Variants in ZBTB46 observed in about 807,000 individuals in gnomAD.
The protein encoded by ZBTB46 is zinc finger and BTB domain containing 46.
ZBTB46 carries 8 observed loss-of-function variants against 44.1 expected under a neutral mutation model. The observed-to-expected ratio is 0.18, with a 90% CI of 0.11 to 0.33. The LOEUF (loss-of-function observed/expected upper bound fraction) is 0.33, where lower values mean the gene tolerates loss of function less well. Ranked by LOEUF, ZBTB46 falls within the 10% of genes least tolerant of loss-of-function variation. The pLI is 1.00. For missense variants in ZBTB46, 651 were observed against 847.7 expected, an observed-to-expected ratio of 0.77 and a Z score of 2.88; for synonymous variants, 409 against 382.3, an observed-to-expected ratio of 1.07 and a Z score of -0.81.
At chr20:63,809,980 G>GAA (rs2092708694) in intron 1 of ZBTB46, among the ~76,000 whole-genome samples, 1 of 150,570 alleles carries the variant, frequency 6.6e-6, no homozygotes, top group African/African-American at 2.4e-5. Context: ...AAAAAGAAAA[G>GAA]AAAACTCTAA....
rs976779537 is a variant in ZBTB46 at position 63,746,487 on chromosome 20, G to A, written c.*443C>T. ...CCTGGCTGCTAGGGGAGGGGAGGGC[G>A]GGCTCCAGCCGGGCTGACCGGGTGT... On this transcript the variant is annotated 3_prime_UTR_variant, in exon 5 of 5. Coordinates refer to ENST00000245663, the MANE Select transcript of ZBTB46 (RefSeq NM_001369741.1). The A allele has an allele frequency of 1.2e-5, 2 of 162,446 alleles. No homozygotes were observed. The highest frequency in any genetic ancestry group is 2.0e-4 in the South Asian group (1 of 4,986). 10.1% of individuals were successfully genotyped at this position (162,446 alleles called of 1,614,324 possible). A position where few individuals can be genotyped will look rare whatever the true frequency, so the allele number is the denominator to read the frequency against.
At chr20:63,772,755 A>ACC (rs2092387138) in intron 3 of ZBTB46, among the ~76,000 whole-genome samples, 1 of 59,144 alleles carries the variant, frequency 1.7e-5, no homozygotes, top group South Asian at 4.9e-4. Flanking sequence ...ACACACACAC[A>ACC]CACACACACA....
chr20:63,797,088 A>G (rs1329159808), intron 1 of ZBTB46, among the ~76,000 whole-genome samples: 9 of 152,060 alleles, frequency 5.9e-5, no homozygotes, highest in Admixed American at 5.9e-4. Flanking sequence ...CACATGTGCC[A>G]TGTTGGTGTG....
At position 63,761,245 on chromosome 20, in the gene ZBTB46, CA is replaced by C. The variant is rs1475556473; in HGVS notation, c.1223-8385del. On this transcript the variant is annotated intron_variant, in intron 3 of 4. Transcript: ENST00000245663. ...AACTCCTGACCTCAAGTGATTGACG[CA>C]CTTCAGCCTCCCAAAGTGCTGGGAT... Among the ~76,000 whole-genome samples the C allele has an allele frequency of 6.6e-4, 90 of 135,974 alleles. 2 individuals are homozygous for C. The highest frequency in any genetic ancestry group is 1.1e-3 in the Non-Finnish European group (65 of 58,404). The allele number at this position is 135,974 out of a possible 152,430, so 89.2% of individuals were successfully genotyped here.
upstream of ZBTB46, among the ~76,000 whole-genome samples, chr20:63,831,418 G>T (rs1178309978): frequency 7.0e-6 from 1 of 142,908 alleles, no homozygotes; most frequent in Non-Finnish European, 1.5e-5. Context: ...CCCCGCCCAC[G>T]CCGGCCCGGC....
At chr20:63,786,668 C>T (rs981573145) in intron 2 of ZBTB46, among the ~76,000 whole-genome samples, 9 of 152,262 alleles carry the variant, frequency 5.9e-5, no homozygotes, top group Middle Eastern at 3.4e-3. Context: ...CGCACCACCA[C>T]GCCCAGCTAA....
rs1246696963 is a variant in ZBTB46, at chr20:63,743,962, A to AATCT, written c.*2964_*2967dup. ...AGATTATCCCCAGAAAAAAATCAAC[A>AATCT]ATCTTCAAACACTGCCCTTTTTTTG... On this transcript the variant is annotated 3_prime_UTR_variant, in exon 5 of 5. Transcript: ENST00000245663. The AATCT allele has an allele frequency of 6.6e-6, 1 of 152,660 alleles. No homozygotes were observed. Among genetic ancestry groups the AATCT allele is most frequent in the Non-Finnish European group, 1.5e-5 (1 of 68,038 alleles). The allele number at this position is 152,660 out of a possible 1,614,324, so 9.5% of individuals were successfully genotyped here. A position where few individuals can be genotyped will look rare whatever the true frequency, so the allele number is the denominator to read the frequency against.
intron 3 of ZBTB46, among the ~76,000 whole-genome samples, chr20:63,768,679 T>C (rs2092341082): frequency 6.6e-6 from 1 of 151,930 alleles, no homozygotes; most frequent in Non-Finnish European, 1.5e-5. Context: ...ACACACCCCA[T>C]GGCCCTTTCT....
intron 3 of ZBTB46, among the ~76,000 whole-genome samples, chr20:63,764,944 A>G (rs1431039156): frequency 1.4e-5 from 2 of 147,490 alleles, no homozygotes; most frequent in Non-Finnish European, 3.0e-5. Context: ...TTTGAGACGG[A>G]GTCTTGCTCT....
chr20:63,774,784 A>G (rs1327047502), intron 3 of ZBTB46, among the ~76,000 whole-genome samples: 1 of 47,310 alleles, frequency 2.1e-5, no homozygotes, highest in Non-Finnish European at 5.1e-5. Context: ...GCTCACTGCA[A>G]GCTCTGCCTG....
chr20:63,776,225 G>A (rs551021366), intron 2 of ZBTB46, among the ~76,000 whole-genome samples: 73 of 152,358 alleles, frequency 4.8e-4, no homozygotes, highest in African/African-American at 1.7e-3. Flanking sequence ...TCAGAACAAC[G>A]GGGTTGCCCT....
At chr20:63,817,021 CT>C (rs1432779497) in intron 1 of ZBTB46, among the ~76,000 whole-genome samples, 2 of 152,050 alleles carry the variant, frequency 1.3e-5, no homozygotes, top group Admixed American at 1.3e-4. Context: ...AGGAGAATCG[CT>C]TGAACCCAGG....
At position 63,773,736 on chromosome 20, in the gene ZBTB46, C is replaced by G. The variant is rs527807940; in HGVS notation, c.1222+1942G>C. Reference sequence around the variant, plus strand: ...GGGAGGCCCGGGATCCCCCTCCGACCGCACCCACGGGCATGCGCCGCTGGC... The same window carrying G: ...GGGAGGCCCGGGATCCCCCTCCGACGGCACCCACGGGCATGCGCCGCTGGC... On this transcript the variant is annotated intron_variant, in intron 3 of 4. Coordinates refer to ENST00000245663, the MANE Select transcript of ZBTB46 (RefSeq NM_001369741.1). 3.0e-3 allele frequency among the ~76,000 whole-genome samples: 450 copies of G among 151,338 alleles called. 3 individuals are homozygous for G. The highest frequency in any genetic ancestry group is 0.011 in the African/African-American group (435 of 41,202).
chr20:63,779,406 ATTTTTTTTTTTTTT>A (rs59166121), intron 2 of ZBTB46, among the ~76,000 whole-genome samples: 3 of 105,578 alleles, frequency 2.8e-5, no homozygotes, highest in Admixed American at 1.0e-4. Context: ...ACGCCGGCTA[ATTTTTTTTTTTTTT>A]TTTTTTTTTT....
At chr20:63,811,003 CTG>C (rs1392513381) in intron 1 of ZBTB46, among the ~76,000 whole-genome samples, 2 of 152,248 alleles carry the variant, frequency 1.3e-5, no homozygotes, top group Non-Finnish European at 2.9e-5. Context: ...CCGGAGAACA[CTG>C]GAGAGCACCA....
At chr20:63,784,092 T>G (rs1321025388) in intron 2 of ZBTB46, among the ~76,000 whole-genome samples, 1 of 152,152 alleles carries the variant, frequency 6.6e-6, no homozygotes, top group Admixed American at 6.5e-5. Context: ...CTCCCCAACC[T>G]TCGTGGAGAG....
rs114936455 is a variant in ZBTB46 at position 63,769,271 on chromosome 20, C to T, written c.1222+6407G>A. On this transcript the variant is annotated intron_variant, in intron 3 of 4. Transcript: ENST00000245663. ...TTACCTGAGCTGGGGGAGGCTGTGC[C>T]GGCTCCCTGGGCTGGGTCTGGCGGT... 1,928 of 985,384 alleles carry T rather than the reference C, an allele frequency of 2.0e-3. 28 individuals are homozygous for T. The African/African-American group carries it at 0.03, about 16-fold the overall frequency. The allele number at this position is 985,384 out of a possible 1,614,324, so 61.0% of individuals were successfully genotyped here.
At chr20:63,816,950 C>G (rs899643450) in intron 1 of ZBTB46, among the ~76,000 whole-genome samples, 2 of 151,892 alleles carry the variant, frequency 1.3e-5, no homozygotes, top group South Asian at 2.1e-4. Context: ...ACTAAAAATA[C>G]GAAACTAGCC....
chr20:63,769,508 G>A (rs1448286521), intron 3 of ZBTB46: 4 of 932,488 alleles, frequency 4.3e-6, no homozygotes, highest in Non-Finnish European at 5.1e-6. Context: ...TGCCCCAAGG[G>A]TCTCGCTGGA....
Sources: allele counts gnomAD v4.1 joint callset (sites outside exome capture counted in the v4.1 genomes callset), GRCh38; gene constraint gnomAD v4.1.1; transcripts MANE v1.5; gene names NCBI Gene and HGNC (gene_info 2026-07-23, HGNC 2026-07-21).